Variants in GIN1 observed in about 807,000 individuals in gnomAD.
The protein encoded by GIN1 is gypsy retrotransposon integrase 1, also known as gypsy retrotransposon integrase-like protein 1.
In GIN1, 41 loss-of-function variants were observed where a neutral mutation model predicts 51.4. The ratio of observed to expected loss-of-function variants is 0.80; its 90% confidence interval spans 0.62 to 1.04. The LOEUF (loss-of-function observed/expected upper bound fraction) is 1.04, where lower values mean the gene tolerates loss of function less well. Ranked by LOEUF, GIN1 falls within the 50% of genes least tolerant of loss-of-function variation. GIN1 has a pLI of 0.00. For synonymous variants in GIN1, 222 were observed against 206.5 expected (o/e 1.07, Z -0.64); for missense variants, 610 against 612.4 (o/e 1.00, Z 0.04).
At chr5:103,097,527 A>G in intron 5 of GIN1, 37 bp from the exon 6 acceptor site, 1 of 1,485,690 alleles carries the variant, frequency 6.7e-7, no homozygotes, top group Non-Finnish European at 9.3e-7. Context: ...TTTGTAATAA[A>G]ACATTTATCT....
In GIN1 at chr5:103,114,740, A is replaced by G. The variant is rs118062543; in HGVS notation, c.-8+5324T>C. Reference sequence around the variant, plus strand: ...CAACCTTTATCATAAAATCTGAAACACTCTATTGAATATATTAGTTTATAT... The same window carrying G: ...CAACCTTTATCATAAAATCTGAAACGCTCTATTGAATATATTAGTTTATAT... On this transcript the variant is annotated intron_variant, in intron 1 of 7. Coordinates refer to ENST00000399004, the MANE Select transcript of GIN1 (RefSeq NM_017676.2). Among the ~76,000 whole-genome samples, 66 of 152,120 alleles carry G rather than the reference A, an allele frequency of 4.3e-4. No individual in the cohort carries two copies. In the East Asian group the frequency reaches 5.0e-3, roughly 12 times the overall value.
chr5:103,090,434 T>G (rs1489297345), intron 7 of GIN1, among the ~76,000 whole-genome samples: 2 of 152,212 alleles, frequency 1.3e-5, no homozygotes, highest in Non-Finnish European at 2.9e-5. Context: ...TACCCTACTG[T>G]TAATACGAGA....
At chr5:103,096,417 T>C (rs17155054) in intron 7 of GIN1, 124 bp downstream of exon 7, 7,472 of 747,064 alleles carry the variant, frequency 0.01, 49 homozygotes, top group African/African-American at 0.016. Context: ...TAGCTAAAAC[T>C]GTAACAAATT....
chr5:103,118,748 TG>T (rs1271599307), intron 1 of GIN1, among the ~76,000 whole-genome samples: 3 of 83,298 alleles, frequency 3.6e-5, no homozygotes, highest in East Asian at 6.1e-4. Context: ...AAATGAAAGT[TG>T]TTTTTTTTTT....
intron 7 of GIN1, among the ~76,000 whole-genome samples, chr5:103,095,815 T>C (rs1312140892): frequency 6.6e-6 from 1 of 151,952 alleles, no homozygotes; most frequent in Admixed American, 6.6e-5. Context: ...TCCCAGCTAC[T>C]TGGGAGGCTG....
Position 103,097,368 on chromosome 5 carries a change from A to T in GIN1, c.954T>A (p.Asp318Glu). ...TTATTTTATCAGCTTCTTTAATTGC[A>T]TCTAGAATTTTGGCAAACATACTTG... ...DNTSMFAKIL[D>E]AIKEADKIME... Residue 318 changes from aspartate (D) to glutamate (E), a missense_variant, in exon 6 of 8, where the codon GAT becomes GAA. Asp to Glu is a conservative substitution (Grantham distance 45, BLOSUM62 2). Transcript: ENST00000399004. The T allele has an allele frequency of 6.2e-7, 1 of 1,600,158 alleles. No individual in the cohort carries two copies. The highest frequency in any genetic ancestry group is 8.6e-7 in the Non-Finnish European group (1 of 1,167,688).
Position 103,104,992 on chromosome 5 carries a change from G to A in GIN1, c.334-146C>T. The A allele has an allele frequency of 8.7e-6, 5 of 575,382 alleles. No homozygotes were observed. The East Asian group carries it at 1.4e-4, about 16-fold the overall frequency. 35.6% of individuals were successfully genotyped at this position (575,382 alleles called of 1,614,324 possible). ...GAAACTTCTGGACTGAGAATCACTG[G>A]ATTAAACCTATTTAGAATAACAAAC... is the stretch of plus-strand genomic sequence containing the variant. On this transcript the variant is annotated intron_variant, in intron 3 of 7. Coordinates refer to ENST00000399004, the MANE Select transcript of GIN1 (RefSeq NM_017676.2).
At chr5:103,117,547 G>A (rs782111925) in intron 1 of GIN1, among the ~76,000 whole-genome samples, 2 of 115,272 alleles carry the variant, frequency 1.7e-5, no homozygotes, top group Non-Finnish European at 4.2e-5. Flanking sequence ...ATAATGTGCA[G>A]GGACATTTGG....
intron 1 of GIN1, among the ~76,000 whole-genome samples, chr5:103,118,134 A>G (rs1554197588): frequency 6.6e-6 from 1 of 152,152 alleles, no homozygotes; most frequent in Non-Finnish European, 1.5e-5. Flanking sequence ...GCATTTCCTG[A>G]AAGGAGAATT....
Position 103,087,974 on chromosome 5 carries a change from T to C in GIN1, c.1493A>G (p.Asp498Gly). The change falls in exon 8 of 8, where the codon GAC becomes GGC. Residue 498 changes from aspartate (D) to glycine (G), a missense_variant. Asp to Gly is a moderately conservative substitution (Grantham distance 94). Transcript: ENST00000399004. ...CTGCTTTTCAAGAGAACTATGATCG[T>C]CTATCAATGGAGAGATTTTCGTATT... ...YRNTKISPLI[D>G]DHSSLEKQTF... is the part of the protein sequence containing the mutation. The C allele has an allele frequency of 1.3e-6, 2 of 1,596,820 alleles. No individual in the cohort carries two copies. Among genetic ancestry groups the C allele is most frequent in the Admixed American group, 1.7e-5 (1 of 59,826 alleles).
chr5:103,098,393 A>T (rs781928989), intron 4 of GIN1, among the ~76,000 whole-genome samples: 7 of 152,230 alleles, frequency 4.6e-5, no homozygotes, highest in Non-Finnish European at 7.3e-5. Flanking sequence ...AAGCTTTGAG[A>T]GATTAAGTGC....
At chr5:103,102,995 G>A (rs1233436013) in intron 4 of GIN1, among the ~76,000 whole-genome samples, 3 of 152,228 alleles carry the variant, frequency 2.0e-5, no homozygotes, top group East Asian at 3.8e-4. Context: ...ATGGACCTGT[G>A]AAGAAAAGAG....
At chr5:103,112,659 T>A (rs1216840852) in intron 1 of GIN1, among the ~76,000 whole-genome samples, 1 of 152,178 alleles carries the variant, frequency 6.6e-6, no homozygotes, top group African/African-American at 2.4e-5. Context: ...AAAATCAAGC[T>A]CTAGCATCTC....
chr5:103,096,996 C>T (rs1554195161), intron 6 of GIN1, among the ~76,000 whole-genome samples, 170 bp from the exon 7 acceptor site: 1 of 152,176 alleles, frequency 6.6e-6, no homozygotes, highest in East Asian at 1.9e-4. Flanking sequence ...TTATTAGCTC[C>T]TACTTTATAT....
intron 4 of GIN1, among the ~76,000 whole-genome samples, chr5:103,101,645 G>A (rs1554195809): frequency 6.6e-6 from 1 of 152,184 alleles, no homozygotes; most frequent in African/African-American, 2.4e-5. Context: ...TGTGAGTAGT[G>A]TGGTGAATGC....
chr5:103,098,659 A>G (rs1268819964), intron 4 of GIN1, among the ~76,000 whole-genome samples: 1 of 151,928 alleles, frequency 6.6e-6, no homozygotes, highest in Non-Finnish European at 1.5e-5. Flanking sequence ...GAGTTTCACC[A>G]TGTTGCCCAG....
chr5:103,096,854 A>G, intron 6 of GIN1, 28 bp from the exon 7 acceptor site: 1 of 1,380,846 alleles, frequency 7.2e-7, no homozygotes, highest in Non-Finnish European at 1.0e-6. Flanking sequence ...AAAAGAACAA[A>G]GAGATGAAAG....
intron 1 of GIN1, among the ~76,000 whole-genome samples, chr5:103,115,830 G>C (rs782202087): frequency 1.3e-5 from 2 of 152,076 alleles, no homozygotes; most frequent in African/African-American, 2.4e-5. Flanking sequence ...AAAAACTTAT[G>C]GTATGATGTC....
chr5:103,108,683 C>T lies in GIN1; in HGVS notation c.25G>A (p.Asp9Asn). 6.2e-7 allele frequency: 1 copy of T among 1,603,172 alleles called. No individual in the cohort carries two copies. Among genetic ancestry groups the T allele is most frequent in the South Asian group, 1.1e-5 (1 of 89,532 alleles). ...TATGCAATCTGTTTAAGATGAAGGT[C>T]ACCATTTTTTCCACTACGGACCATT... MVRSGKNG[D>N]LHLKQIAYYK... is the part of the protein sequence containing the mutation. The change falls in exon 2 of 8, where the codon GAC becomes AAC. Residue 9 changes from aspartate (D) to asparagine (N), a missense_variant. Transcript: ENST00000399004.
Sources: allele counts gnomAD v4.1 joint callset (sites outside exome capture counted in the v4.1 genomes callset), GRCh38; gene constraint gnomAD v4.1.1; transcripts MANE v1.5; gene names NCBI Gene and HGNC (gene_info 2026-07-23, HGNC 2026-07-21).